MARCHF1: variants seen among roughly 807,000 people sequenced by gnomAD.
MARCHF1 encodes membrane associated ring-CH-type finger 1.
A neutral mutation model predicts 54.2 loss-of-function variants in MARCHF1; 40 were observed. The observed-to-expected ratio is 0.74, with a 90% confidence interval of 0.57 to 0.96. The LOEUF (loss-of-function observed/expected upper bound fraction) is 0.96, where lower values mean the gene tolerates loss of function less well. MARCHF1 is among the 40% of genes least tolerant of loss of function. MARCHF1 has a pLI of 0.00. For synonymous variants in MARCHF1, 236 were observed against 236.3 expected (o/e 1.00, Z 0.01); for missense variants, 586 against 656.5 (o/e 0.89, Z 1.17).
chr4:164,121,048 T>C (rs1416794118), intron 1 of MARCHF1, among the ~76,000 whole-genome samples: 1 of 152,024 alleles, frequency 6.6e-6, no homozygotes, highest in South Asian at 2.1e-4. Flanking sequence ...AGTTGTTTTT[T>C]TGAAAAGTTA....
intron 8 of MARCHF1, among the ~76,000 whole-genome samples, chr4:163,558,865 A>G (rs1739380945): frequency 6.6e-6 from 1 of 152,332 alleles, no homozygotes; most frequent in East Asian, 1.9e-4. Flanking sequence ...GTCTTATTAA[A>G]TATGACTTCT....
intron 3 of MARCHF1, among the ~76,000 whole-genome samples, chr4:163,977,277 A>G (rs1218056848): frequency 6.6e-6 from 1 of 152,130 alleles, no homozygotes; most frequent in South Asian, 2.1e-4. Flanking sequence ...CCAAGAATGT[A>G]TAAGCATAAA....
intron 3 of MARCHF1, among the ~76,000 whole-genome samples, chr4:163,968,443 A>G (rs1441081588): frequency 6.6e-6 from 1 of 152,210 alleles, no homozygotes; most frequent in African/African-American, 2.4e-5. Flanking sequence ...TTGCAAAGAC[A>G]TAATAACAGA....
At chr4:164,126,723 G>A (rs1347619372) in intron 1 of MARCHF1, among the ~76,000 whole-genome samples, 1 of 152,106 alleles carries the variant, frequency 6.6e-6, no homozygotes, top group Non-Finnish European at 1.5e-5. Context: ...ACAAAATGTT[G>A]GTAGAAATGT....
intron 1 of MARCHF1, among the ~76,000 whole-genome samples, chr4:164,199,705 GAGAGAGAA>G (rs1731399736): frequency 2.2e-5 from 3 of 133,716 alleles, no homozygotes; most frequent in South Asian, 2.5e-4. Flanking sequence ...GAGAGAGAGA[GAGAGAGAA>G]GAGAGGAGAA....
At chr4:164,029,866 A>AT (rs1339503331) in intron 2 of MARCHF1, among the ~76,000 whole-genome samples, 1 of 152,222 alleles carries the variant, frequency 6.6e-6, no homozygotes, top group Non-Finnish European at 1.5e-5. Flanking sequence ...AAGTGCTGGC[A>AT]TTACAGGTGT....
At chr4:164,186,039 C>T (rs1323226601) in intron 1 of MARCHF1, among the ~76,000 whole-genome samples, 3 of 152,044 alleles carry the variant, frequency 2.0e-5, no homozygotes, top group Admixed American at 2.0e-4. Flanking sequence ...ACTACAGGCG[C>T]CTGCCACCAC....
intron 9 of MARCHF1, among the ~76,000 whole-genome samples, chr4:163,533,232 A>G (rs1177033470): frequency 6.6e-6 from 1 of 152,026 alleles, no homozygotes. Context: ...GTATATTGCT[A>G]AATAAAAGAG....
intron 1 of MARCHF1, among the ~76,000 whole-genome samples, chr4:164,288,555 C>T (rs1734207292): frequency 6.6e-6 from 1 of 151,456 alleles, no homozygotes; most frequent in Non-Finnish European, 1.5e-5. Flanking sequence ...GGTATGAAAG[C>T]AAAACTAAAG....
chr4:163,963,513 C>T (rs1752381019), intron 3 of MARCHF1, among the ~76,000 whole-genome samples: 1 of 151,862 alleles, frequency 6.6e-6, no homozygotes, highest in Non-Finnish European at 1.5e-5. Context: ...CTGCAGAGAT[C>T]ATTAAGGCCA....
chr4:164,252,288 T>C (rs1733150897), intron 1 of MARCHF1, among the ~76,000 whole-genome samples: 1 of 152,136 alleles, frequency 6.6e-6, no homozygotes, highest in African/African-American at 2.4e-5. Flanking sequence ...AGAACAGATA[T>C]TTTTAAAAAT....
chr4:164,073,031 A>G (rs17475331), intron 2 of MARCHF1, among the ~76,000 whole-genome samples: 11,344 of 152,286 alleles, frequency 0.074, 607 homozygotes, highest in Non-Finnish European at 0.12. Flanking sequence ...AAAATGGTAG[A>G]ATTCGCATAG....
chr4:163,751,396 TAAATA>T (rs942819645), intron 4 of MARCHF1, among the ~76,000 whole-genome samples: 1 of 151,748 alleles, frequency 6.6e-6, no homozygotes, highest in African/African-American at 2.4e-5. Flanking sequence ...ATGAAAAAAA[TAAATA>T]AAAGGCATAA....
intron 8 of MARCHF1, among the ~76,000 whole-genome samples, chr4:163,573,211 A>G (rs1195531509): frequency 2.0e-5 from 3 of 151,986 alleles, no homozygotes; most frequent in Non-Finnish European, 2.9e-5. Context: ...TTTGAGAGTC[A>G]TTAGAGTTTT....
intron 2 of MARCHF1, among the ~76,000 whole-genome samples, chr4:164,109,111 C>G (rs1041878269): frequency 1.3e-5 from 2 of 152,044 alleles, no homozygotes; most frequent in African/African-American, 4.8e-5. Context: ...CTGTTACTCT[C>G]TCCTCTGTAT....
intron 5 of MARCHF1, among the ~76,000 whole-genome samples, chr4:163,680,244 C>T (rs746634249): frequency 1.3e-5 from 2 of 152,106 alleles, no homozygotes; most frequent in African/African-American, 2.4e-5. Context: ...TTCTCTATAG[C>T]TTTGCTACAT....
At chr4:163,792,910 C>T (rs561553648) in intron 4 of MARCHF1, among the ~76,000 whole-genome samples, 5 of 152,302 alleles carry the variant, frequency 3.3e-5, no homozygotes, top group African/African-American at 1.2e-4. Context: ...TAGACCCAGG[C>T]TCTATTGCTT....
chr4:163,658,042 C>T (rs1743212719), intron 5 of MARCHF1, among the ~76,000 whole-genome samples: 1 of 151,772 alleles, frequency 6.6e-6, no homozygotes, highest in African/African-American at 2.4e-5. Context: ...GCAATTGCGA[C>T]AAAAGCTAAA....
At chr4:164,209,409 A>G (rs1032639139) in intron 1 of MARCHF1, among the ~76,000 whole-genome samples, 1 of 152,190 alleles carries the variant, frequency 6.6e-6, no homozygotes, top group Non-Finnish European at 1.5e-5. Context: ...GAATCTTCTC[A>G]TAGTACACTG....
Sources: gnomAD v4.1 joint callset for allele counts (sites outside exome capture counted in the v4.1 genomes callset) on GRCh38, gnomAD v4.1.1 for gene constraint, MANE v1.5 for transcripts, NCBI Gene and HGNC (gene_info 2026-07-23, HGNC 2026-07-21) for gene names.